The following CAMTA1 variants were observed in gnomAD, a reference collection of about 807,000 sequenced individuals.
CAMTA1 encodes calmodulin binding transcription activator 1.
In CAMTA1, 27 loss-of-function variants were observed where a neutral mutation model predicts 170.9. That is an observed-to-expected ratio of 0.16 (90% CI 0.12 to 0.22). The LOEUF (loss-of-function observed/expected upper bound fraction) is 0.22. Ranked by LOEUF, CAMTA1 falls within the 10% of genes least tolerant of loss-of-function variation. CAMTA1 has a pLI of 1.00. For synonymous variants in CAMTA1, 833 were observed against 891.5 expected (o/e 0.93, Z 1.17); for missense variants, 1,619 against 2,217.2 (o/e 0.73, Z 5.42).
At chr1:7,390,434 C>T (rs1052864800) in intron 5 of CAMTA1, among the ~76,000 whole-genome samples, 2 of 152,174 alleles carry the variant, frequency 1.3e-5, no homozygotes, top group Admixed American at 6.5e-5. Flanking sequence ...CTGACATGTC[C>T]CCAAAGGAGC....
chr1:7,109,969 G>A (rs1419238208), intron 4 of CAMTA1, among the ~76,000 whole-genome samples: 2 of 152,170 alleles, frequency 1.3e-5, no homozygotes, highest in African/African-American at 4.8e-5. Context: ...GGGCAGATTT[G>A]GCCTCAGTGG....
intron 4 of CAMTA1, among the ~76,000 whole-genome samples, chr1:7,166,257 AG>A (rs1410975883): frequency 3.9e-5 from 6 of 151,970 alleles, no homozygotes; most frequent in African/African-American, 7.3e-5. Flanking sequence ...TAGTAGAGAC[AG>A]GGTTTCACCA....
chr1:7,495,066 C>A (rs1446194676), intron 6 of CAMTA1, among the ~76,000 whole-genome samples: 3 of 152,182 alleles, frequency 2.0e-5, no homozygotes, highest in African/African-American at 7.2e-5. Context: ...AGTTGCCCCT[C>A]AGTGGCTGCC....
At chr1:6,915,862 C>T (rs1680670824) in intron 3 of CAMTA1, among the ~76,000 whole-genome samples, 1 of 152,192 alleles carries the variant, frequency 6.6e-6, no homozygotes, top group East Asian at 1.9e-4. Context: ...CCAAGACCGT[C>T]TATCCTACAA....
At chr1:7,347,724 A>AT (rs955954392) in intron 5 of CAMTA1, among the ~76,000 whole-genome samples, 1 of 149,958 alleles carries the variant, frequency 6.7e-6, no homozygotes, top group African/African-American at 2.5e-5. Context: ...GCAATCCAGG[A>AT]CCCCCCCGGC....
At chr1:7,054,261 T>C (rs1046037110) in intron 3 of CAMTA1, among the ~76,000 whole-genome samples, 1 of 152,174 alleles carries the variant, frequency 6.6e-6, no homozygotes, top group South Asian at 2.1e-4. Context: ...GGACAGCTCA[T>C]GTCCTCCCCC....
At chr1:7,709,218 G>A (rs2096550919) in intron 11 of CAMTA1, among the ~76,000 whole-genome samples, 1 of 152,206 alleles carries the variant, frequency 6.6e-6, no homozygotes, top group African/African-American at 2.4e-5. Flanking sequence ...GGGTGCAGAG[G>A]GGCCCCACCT....
chr1:7,398,154 G>GCTCTCCCTCT (rs1466680758), intron 5 of CAMTA1, among the ~76,000 whole-genome samples: 1 of 26,264 alleles, frequency 3.8e-5, no homozygotes, highest in African/African-American at 1.1e-4. Flanking sequence ...TAATAATATT[G>GCTCTCCCTCT]CTCTCTCTCT....
chr1:7,374,097 C>T lies in CAMTA1; in HGVS notation c.439-93733C>T, dbSNP rs560184597. On this transcript the variant is annotated intron_variant, in intron 5 of 22. Transcript: ENST00000303635. ...GCAACCACAGCCTGTGGTGGAAGTC[C>T]GGAGTTAGTACACGTCATTGACAAA... is the stretch of plus-strand genomic sequence containing the variant. Among the ~76,000 whole-genome samples the T allele has an allele frequency of 1.9e-4, 29 of 152,314 alleles. No homozygotes were observed. The East Asian group carries it at 5.2e-3, about 27-fold the overall frequency.
chr1:6,856,333 T>TC (rs1662376721), intron 3 of CAMTA1, among the ~76,000 whole-genome samples: 1 of 146,780 alleles, frequency 6.8e-6, no homozygotes, highest in Non-Finnish European at 1.5e-5. Context: ...CCCTGCCGCT[T>TC]TTTTTTTTTT....
At chr1:7,490,347 T>A (rs2093683676) in intron 6 of CAMTA1, among the ~76,000 whole-genome samples, 1 of 152,166 alleles carries the variant, frequency 6.6e-6, no homozygotes, top group Admixed American at 6.5e-5. Flanking sequence ...AAGTCGGAAC[T>A]GTCATTATCA....
intron 6 of CAMTA1, among the ~76,000 whole-genome samples, chr1:7,490,784 G>C (rs1350693827): frequency 1.3e-5 from 2 of 152,194 alleles, no homozygotes; most frequent in African/African-American, 4.8e-5. Context: ...GGAGTCCTCT[G>C]ACTGGGTTGT....
At chr1:7,493,171 G>GTA (rs201162879) in intron 6 of CAMTA1, among the ~76,000 whole-genome samples, 1 of 122,850 alleles carries the variant, frequency 8.1e-6, no homozygotes, top group East Asian at 2.5e-4. Context: ...ACATACACGC[G>GTA]CACACAAATA....
intron 5 of CAMTA1, among the ~76,000 whole-genome samples, chr1:7,413,384 A>G (rs896981488): frequency 9.5e-4 from 145 of 152,278 alleles, no homozygotes; most frequent in African/African-American, 3.3e-3. Flanking sequence ...CTTCCAACCC[A>G]TGAGCATGGA....
At chr1:7,094,495 G>C (rs1429688608) in intron 4 of CAMTA1, among the ~76,000 whole-genome samples, 2 of 152,176 alleles carry the variant, frequency 1.3e-5, no homozygotes, top group Non-Finnish European at 2.9e-5. Context: ...TACATTGTTT[G>C]TGTGGAGGAA....
intron 3 of CAMTA1, among the ~76,000 whole-genome samples, chr1:7,035,581 G>A (rs531060566): frequency 1.7e-4 from 26 of 152,256 alleles, no homozygotes; most frequent in South Asian, 1.5e-3. Context: ...TTTTACCCAC[G>A]GTTGCTTTTG....
chr1:7,704,037 G>A (rs956239674), intron 11 of CAMTA1, among the ~76,000 whole-genome samples: 3 of 150,442 alleles, frequency 2.0e-5, no homozygotes, highest in Non-Finnish European at 4.4e-5. Flanking sequence ...CCCGCCCACC[G>A]TCCTCCGCCC....
At chr1:7,022,024 G>A (rs2100966529) in intron 3 of CAMTA1, among the ~76,000 whole-genome samples, 1 of 152,332 alleles carries the variant, frequency 6.6e-6, no homozygotes, top group Non-Finnish European at 1.5e-5. Flanking sequence ...AGGCCACGCA[G>A]CTGGTCAGGG....
chr1:7,010,062 C>T lies in CAMTA1; in HGVS notation c.235-81242C>T, dbSNP rs549404585. 5.9e-5 allele frequency among the ~76,000 whole-genome samples: 9 copies of T among 152,294 alleles called. No homozygotes were observed. In the South Asian group the frequency reaches 1.7e-3, roughly 28 times the overall value. On this transcript the variant is annotated intron_variant, in intron 3 of 22. Coordinates refer to ENST00000303635, the MANE Select transcript of CAMTA1 (RefSeq NM_015215.4). The surrounding 1 kb of genome is among the most constrained non-coding windows in gnomAD (Gnocchi z 4.4). ...ACCAGCCCCTTTTGGTTACCAGGCT[C>T]AGGCACTTGCCAGGGGTTGGTTGGT...
Sources: gnomAD v4.1 joint callset for allele counts (sites outside exome capture counted in the v4.1 genomes callset) on GRCh38, gnomAD v4.1.1 for gene constraint, Gnocchi (gnomAD v3.1) non-coding constraint, MANE v1.5 for transcripts, NCBI Gene and HGNC (gene_info 2026-07-23, HGNC 2026-07-21) for gene names.